The following COL26A1 variants were observed in gnomAD, a reference collection of about 807,000 sequenced individuals.
The protein encoded by COL26A1 is collagen alpha-1(XXVI) chain.
COL26A1 carries 41 observed loss-of-function variants against 59.3 expected under a neutral mutation model. That is an observed-to-expected ratio of 0.69 (90% CI 0.54 to 0.90). The LOEUF is 0.90. COL26A1 is among the 40% of genes least tolerant of loss of function. The pLI, the probability that COL26A1 is intolerant of heterozygous loss-of-function variation, is 0.00. For missense variants in COL26A1, 612 were observed against 602.3 expected, an observed-to-expected ratio of 1.02 and a Z score of -0.17; for synonymous variants, 266 against 256.0, an observed-to-expected ratio of 1.04 and a Z score of -0.37.
intron 3 of COL26A1, among the ~76,000 whole-genome samples, chr7:101,487,273 T>G (rs1794289100): frequency 6.6e-6 from 1 of 151,854 alleles, no homozygotes; most frequent in Non-Finnish European, 1.5e-5. Context: ...AGACTGCCCT[T>G]GGGGCTAACC....
At chr7:101,388,626 C>T (rs193117263) in intron 1 of COL26A1, among the ~76,000 whole-genome samples, 30 of 151,058 alleles carry the variant, frequency 2.0e-4, no homozygotes, top group East Asian at 9.9e-4. Context: ...TGTAATGGCA[C>T]GATCTCAGTT....
chr7:101,464,687 AG>A (rs1286806252), intron 3 of COL26A1, among the ~76,000 whole-genome samples: 1 of 152,172 alleles, frequency 6.6e-6, no homozygotes, highest in Non-Finnish European at 1.5e-5. Flanking sequence ...CTGGAATTAC[AG>A]GCTTGAGCTA....
chr7:101,389,505 G>A (rs1380075226), intron 1 of COL26A1, among the ~76,000 whole-genome samples: 2 of 151,166 alleles, frequency 1.3e-5, no homozygotes, highest in African/African-American at 4.9e-5. Context: ...TCAGCCTCCT[G>A]AGCAGCTGGG....
chr7:101,557,170 T>C (rs750757209), intron 12 of COL26A1, among the ~76,000 whole-genome samples, 200 bp from the exon 13 acceptor site: 4 of 152,210 alleles, frequency 2.6e-5, no homozygotes, highest in African/African-American at 7.2e-5. Context: ...AATGGACAGG[T>C]GGATGGGTGA....
intron 11 of COL26A1, among the ~76,000 whole-genome samples, chr7:101,555,237 C>A (rs1269358182): frequency 2.6e-5 from 4 of 152,140 alleles, no homozygotes; most frequent in Non-Finnish European, 5.9e-5. Context: ...CAGACTCTGC[C>A]ATCACGCCAG....
At chr7:101,433,254 G>A (rs1211203007) in intron 2 of COL26A1, among the ~76,000 whole-genome samples, 1 of 152,082 alleles carries the variant, frequency 6.6e-6, no homozygotes, top group African/African-American at 2.4e-5. Context: ...AGCACATAAG[G>A]TAGAAGTTGT....
intron 1 of COL26A1, among the ~76,000 whole-genome samples, chr7:101,414,432 T>TTGTGTGTGTGTGTGTGTGTGTG (rs34282686): frequency 1.0e-4 from 15 of 146,272 alleles, no homozygotes; most frequent in African/African-American, 3.5e-4. Flanking sequence ...CACTCTGTGT[T>TTGTGTGTGTGTGTGTGTGTGTG]TGTGTGTGTG....
At chr7:101,458,266 A>T (rs17383956) in intron 3 of COL26A1, among the ~76,000 whole-genome samples, 24,115 of 152,112 alleles carry the variant, frequency 0.16, 2,117 homozygotes, top group African/African-American at 0.21. Flanking sequence ...CAGTTAGTTC[A>T]ATCTGGCTAG....
At chr7:101,367,966 T>C (rs1319544982) in intron 1 of COL26A1, among the ~76,000 whole-genome samples, 1 of 141,760 alleles carries the variant, frequency 7.1e-6, no homozygotes, top group Non-Finnish European at 1.5e-5. Context: ...AGAACACCAC[T>C]GTCTACAAGT....
chr7:101,457,838 G>A (rs148559883), intron 3 of COL26A1, among the ~76,000 whole-genome samples: 2 of 150,854 alleles, frequency 1.3e-5, no homozygotes, highest in East Asian at 3.9e-4. Flanking sequence ...TTTGTTGCTG[G>A]ATATTATTCC....
rs556166609 is a variant in COL26A1, at chr7:101,500,488, C to T, written c.386-32594C>T. ...CATTACACTGGACAGGAGGTGATGC[C>T]CTGGCCAGCTTGCTGTCTGCATGGC... On this transcript the variant is annotated intron_variant, in intron 3 of 12. Transcript: ENST00000313669. 2.9e-3 allele frequency among the ~76,000 whole-genome samples: 445 copies of T among 152,296 alleles called. 1 individual carries two copies. Among genetic ancestry groups the T allele is most frequent in the Middle Eastern group, 0.01 (3 of 294 alleles).
chr7:101,553,272 G>A, intron 10 of COL26A1, 54 bp from the exon 11 acceptor site: 4 of 1,520,520 alleles, frequency 2.6e-6, no homozygotes, highest in Non-Finnish European at 3.6e-6. Context: ...TGGAGAGGGT[G>A]GAGAGGTGCC....
intron 6 of COL26A1, among the ~76,000 whole-genome samples, chr7:101,545,057 G>C (rs1293550224): frequency 6.6e-6 from 1 of 152,150 alleles, no homozygotes; most frequent in Non-Finnish European, 1.5e-5. Flanking sequence ...AGGGACCAAT[G>C]GGCCTCTGGC....
chr7:101,402,104 TCA>T (rs759804401), intron 1 of COL26A1, among the ~76,000 whole-genome samples: 3 of 152,152 alleles, frequency 2.0e-5, no homozygotes, highest in Non-Finnish European at 4.4e-5. Context: ...GAGGAATTTC[TCA>T]GAGATGCCAA....
At chr7:101,452,193 A>G (rs1221932269) in intron 3 of COL26A1, among the ~76,000 whole-genome samples, 3 of 152,030 alleles carry the variant, frequency 2.0e-5, no homozygotes, top group African/African-American at 4.8e-5. Flanking sequence ...TTTTTGCCCT[A>G]TTTCCACATT....
At chr7:101,438,012 C>CCCCTTTCT (rs1305589665) in intron 2 of COL26A1, among the ~76,000 whole-genome samples, 2 of 151,692 alleles carry the variant, frequency 1.3e-5, no homozygotes, top group Non-Finnish European at 1.5e-5. Flanking sequence ...TGTGCCTGGC[C>CCCCTTTCT]TTGTCCTGAG....
At chr7:101,379,192 C>A (rs9986717) in intron 1 of COL26A1, among the ~76,000 whole-genome samples, 9,226 of 152,182 alleles carry the variant, frequency 0.061, 641 homozygotes, top group African/African-American at 0.16. Flanking sequence ...TCTTGGCCTG[C>A]CCCGGGCACC....
At chr7:101,403,773 C>T (rs576677274) in intron 1 of COL26A1, among the ~76,000 whole-genome samples, 1 of 152,210 alleles carries the variant, frequency 6.6e-6, no homozygotes, top group South Asian at 2.1e-4. Flanking sequence ...AAAAAGACTC[C>T]AGGATTATCC....
At position 101,555,889 on chromosome 7, in the gene COL26A1, T is replaced by C; in HGVS notation, c.1165+18T>C. ...GATCCACGGTGAGCAGTGACCAGGA[T>C]CAGCGGGCTGGGAATCTCTCTCCCC... is the stretch of plus-strand genomic sequence containing the variant. On this transcript the variant is annotated intron_variant, in intron 12 of 12. Transcript: ENST00000313669. 6.3e-7 allele frequency: 1 copy of C among 1,587,706 alleles called. No homozygotes were observed. The highest frequency in any genetic ancestry group is 8.6e-7 in the Non-Finnish European group (1 of 1,165,838).
Sources: allele counts gnomAD v4.1 joint callset (sites outside exome capture counted in the v4.1 genomes callset), GRCh38; gene constraint gnomAD v4.1.1; transcripts MANE v1.5; gene names NCBI Gene and HGNC (gene_info 2026-07-23, HGNC 2026-07-21).